The following SMARCB1 variants were observed in gnomAD, a reference collection of about 807,000 sequenced individuals.
SMARCB1 encodes SWI/SNF-related matrix-associated actin-dependent regulator of chromatin subfamily B member 1.
In SMARCB1, 5 loss-of-function variants were observed where a neutral mutation model predicts 49.0. That is an observed-to-expected ratio of 0.10 (90% CI 0.05 to 0.21). SMARCB1 has a LOEUF of 0.21. Among genes scored for constraint, SMARCB1 ranks in the 10% least tolerant of loss-of-function variants. The probability of loss-of-function intolerance (pLI) is 1.00; values close to 1 mark genes in which losing one functional copy is unlikely to be tolerated. For missense variants in SMARCB1, 226 were observed against 509.2 expected, an observed-to-expected ratio of 0.44 and a Z score of 5.35; for synonymous variants, 201 against 200.1, an observed-to-expected ratio of 1.00 and a Z score of -0.04.
At chr22:23,794,239 G>T (rs1928603905) in intron 3 of SMARCB1, among the ~76,000 whole-genome samples, 1 of 152,220 alleles carries the variant, frequency 6.6e-6, no homozygotes, top group Non-Finnish European at 1.5e-5. Context: ...ACCGCGCCCG[G>T]TCCTGATTTT....
At chr22:23,826,740 A>G (rs1204514385) in intron 7 of SMARCB1, among the ~76,000 whole-genome samples, 4 of 152,220 alleles carry the variant, frequency 2.6e-5, no homozygotes, top group Admixed American at 1.3e-4. Flanking sequence ...CAGACATCCC[A>G]AGAGACAGCT....
chr22:23,818,328 A>AT (rs1222298978), intron 6 of SMARCB1: 3 of 149,420 alleles, frequency 2.0e-5, no homozygotes, highest in South Asian at 4.2e-4. Flanking sequence ...AATTTTTTGT[A>AT]TTTTTTATAG....
In SMARCB1 at chr22:23,835,730, G is replaced by A. The variant is rs2030992675; in HGVS notation, c.*1550G>A. ...CTGAGGTGTTTGTTCTGTCCATGAGGTAGGAACCTCGGCAATGAAAGGGTG... is the reference window on the plus strand; with the variant it reads ...CTGAGGTGTTTGTTCTGTCCATGAGATAGGAACCTCGGCAATGAAAGGGTG... On this transcript the variant is annotated 3_prime_UTR_variant, in exon 9 of 9. Coordinates refer to ENST00000644036, the MANE Select transcript of SMARCB1 (RefSeq NM_003073.5). 1.0e-6 allele frequency: 1 copy of A among 985,382 alleles called. No homozygotes were observed. Among genetic ancestry groups the A allele is most frequent in the Admixed American group, 6.1e-5 (1 of 16,274 alleles). 61.0% of individuals were successfully genotyped at this position (985,382 alleles called of 1,614,324 possible). A position where few individuals can be genotyped will look rare whatever the true frequency, so the allele number is the denominator to read the frequency against.
intron 5 of SMARCB1, among the ~76,000 whole-genome samples, chr22:23,814,345 C>A (rs571662480): frequency 6.6e-6 from 1 of 152,334 alleles, no homozygotes; most frequent in Non-Finnish European, 1.5e-5. Flanking sequence ...GCTCATTCAA[C>A]AAAATGGCAC....
chr22:23,789,006 C>T (rs35088872), intron 1 of SMARCB1, among the ~76,000 whole-genome samples: 19 of 152,220 alleles, frequency 1.2e-4, no homozygotes, highest in African/African-American at 4.1e-4. Context: ...CACACCACCA[C>T]ACCCGGCTAA....
chr22:23,813,167 C>G (rs1436402779), intron 5 of SMARCB1, among the ~76,000 whole-genome samples: 2 of 152,196 alleles, frequency 1.3e-5, no homozygotes, highest in African/African-American at 4.8e-5. Flanking sequence ...GCCTGGCCTT[C>G]TGTTGCTAGC....
intron 5 of SMARCB1, chr22:23,803,882 T>C (rs1210251412): frequency 3.9e-6 from 1 of 253,438 alleles, no homozygotes. Flanking sequence ...ATGCCATCTC[T>C]TCTGGCTCTT....
At chr22:23,794,133 G>A (rs1167202041) in intron 3 of SMARCB1, among the ~76,000 whole-genome samples, 2 of 152,144 alleles carry the variant, frequency 1.3e-5, no homozygotes, top group African/African-American at 2.4e-5. Context: ...TGGTAGAGAC[G>A]AGTCTCTCCA....
intron 7 of SMARCB1, among the ~76,000 whole-genome samples, chr22:23,831,174 T>A (rs2030637885): frequency 6.6e-6 from 1 of 152,184 alleles, no homozygotes; most frequent in Admixed American, 6.5e-5. Flanking sequence ...TTTTGGCATC[T>A]CCCCTTCCTG....
At chr22:23,826,131 G>A (rs898739431) in intron 7 of SMARCB1, 1 of 152,494 alleles carries the variant, frequency 6.6e-6, no homozygotes, top group Admixed American at 6.5e-5. Flanking sequence ...TTAAAAGTGA[G>A]GTCAAGGCCC....
chr22:23,799,024 C>G (rs1431686129), intron 3 of SMARCB1, among the ~76,000 whole-genome samples: 1 of 146,508 alleles, frequency 6.8e-6, no homozygotes, highest in Admixed American at 7.0e-5. Context: ...TACTCCAGCC[C>G]AGGCGACAGA....
In SMARCB1 at chr22:23,837,588, C is replaced by G. The variant is rs2146064210; in HGVS notation, c.*3408C>G. The G allele has an allele frequency of 3.3e-6, 5 of 1,513,896 alleles. No individual in the cohort carries two copies. The highest frequency in any genetic ancestry group is 4.5e-6 in the Non-Finnish European group (5 of 1,117,436). 93.8% of individuals were successfully genotyped at this position (1,513,896 alleles called of 1,614,324 possible). A position where few individuals can be genotyped will look rare whatever the true frequency, so the allele number is the denominator to read the frequency against. ...CTCCAGCAAGGATGGGAGAGGGGCCCCAGGGCATAAGCAGCGTGTCCTGAG... is the reference window on the plus strand; with the variant it reads ...CTCCAGCAAGGATGGGAGAGGGGCCGCAGGGCATAAGCAGCGTGTCCTGAG... On this transcript the variant is annotated 3_prime_UTR_variant, in exon 9 of 9. Coordinates refer to ENST00000644036, the MANE Select transcript of SMARCB1 (RefSeq NM_003073.5).
chr22:23,835,167 A>C lies in SMARCB1; in HGVS notation c.*987A>C. On this transcript the variant is annotated 3_prime_UTR_variant, in exon 9 of 9. Coordinates refer to ENST00000644036, the MANE Select transcript of SMARCB1 (RefSeq NM_003073.5). ...AGTTGACACGGTACAGGGAGGAGACACAGCCCAGGGTCCCTTCCCAGCCCT... is the reference window on the plus strand; with the variant it reads ...AGTTGACACGGTACAGGGAGGAGACCCAGCCCAGGGTCCCTTCCCAGCCCT... The C allele has an allele frequency of 1.5e-6, 2 of 1,303,428 alleles. No homozygotes were observed. Among genetic ancestry groups the C allele is most frequent in the Non-Finnish European group, 1.9e-6 (2 of 1,028,604 alleles). The allele number at this position is 1,303,428 out of a possible 1,614,324, so 80.7% of individuals were successfully genotyped here.
intron 6 of SMARCB1, chr22:23,823,586 T>G (rs894773768): frequency 6.6e-6 from 1 of 152,334 alleles, no homozygotes; most frequent in Admixed American, 6.5e-5. Context: ...GTGCTAGAAT[T>G]CCTGGAGGCA....
At chr22:23,807,476 G>C (rs1424179821) in intron 5 of SMARCB1, among the ~76,000 whole-genome samples, 3 of 152,120 alleles carry the variant, frequency 2.0e-5, no homozygotes, top group Non-Finnish European at 2.9e-5. Context: ...TTGGGAGGCT[G>C]AGGTGGGAGG....
rs539015223 is a variant in SMARCB1 at position 23,804,997 on chromosome 22, A to G, written c.628+1575A>G. Among the ~76,000 whole-genome samples the G allele has an allele frequency of 5.9e-5, 9 of 152,278 alleles. No individual in the cohort carries two copies. In the East Asian group the frequency reaches 1.7e-3, roughly 29 times the overall value. On this transcript the variant is annotated intron_variant, in intron 5 of 8. Transcript: ENST00000644036. The stretch of plus-strand genomic sequence containing the variant: ...AAGGGATTTCCTAAGGGAGGAGAGT[A>G]TGAGTGGTTGTTGATATGTGGCTGC...
chr22:23,797,080 C>T (rs1280222215), intron 3 of SMARCB1, among the ~76,000 whole-genome samples: 1 of 148,638 alleles, frequency 6.7e-6, no homozygotes, highest in Non-Finnish European at 1.5e-5. Flanking sequence ...TCACTGCAGG[C>T]TCCGCCCCCT....
intron 7 of SMARCB1, chr22:23,826,151 G>T (rs1601434481): frequency 1.3e-5 from 2 of 151,978 alleles, no homozygotes; most frequent in East Asian, 1.9e-4. Context: ...CAGTGCGATG[G>T]CTCACACCTG....
chr22:23,833,835 A>G (rs1328693341), intron 8 of SMARCB1, 132 bp downstream of exon 8: 1 of 1,071,550 alleles, frequency 9.3e-7, no homozygotes, highest in Non-Finnish European at 1.4e-6. Context: ...AGAGGCAGGC[A>G]GGCTTCTGGG....
Sources: allele counts gnomAD v4.1 joint callset (sites outside exome capture counted in the v4.1 genomes callset), GRCh38; gene constraint gnomAD v4.1.1; transcripts MANE v1.5; gene names NCBI Gene and HGNC (gene_info 2026-07-23, HGNC 2026-07-21).